SLC13A3: variants seen among roughly 807,000 people sequenced by gnomAD.
SLC13A3 encodes the protein Na(+)/dicarboxylate cotransporter 3.
A neutral mutation model predicts 59.0 loss-of-function variants in SLC13A3; 40 were observed. That is an observed-to-expected ratio of 0.68 (90% CI 0.53 to 0.88). The LOEUF (loss-of-function observed/expected upper bound fraction) is 0.88. SLC13A3 is among the 40% of genes least tolerant of loss of function. SLC13A3 has a pLI of 0.00. For synonymous variants in SLC13A3, 317 were observed against 330.3 expected (o/e 0.96, Z 0.44); for missense variants, 699 against 783.2 (o/e 0.89, Z 1.28).
intron 10 of SLC13A3, chr20:46,566,601 C>A (rs1272743978): frequency 6.1e-6 from 3 of 495,038 alleles, no homozygotes; most frequent in Non-Finnish European, 1.1e-5. Flanking sequence ...TCGAACTGCT[C>A]TCCACTCTAT....
At chr20:46,567,148 C>T (rs547257383) in intron 10 of SLC13A3, among the ~76,000 whole-genome samples, 6 of 152,172 alleles carry the variant, frequency 3.9e-5, no homozygotes, top group Admixed American at 2.0e-4. Context: ...GCCAACCTCA[C>T]GCCACTGCAC....
intron 1 of SLC13A3, among the ~76,000 whole-genome samples, chr20:46,639,436 GC>G (rs1474403266): frequency 6.6e-6 from 1 of 152,098 alleles, no homozygotes; most frequent in African/African-American, 2.4e-5. Flanking sequence ...TCCAGCCTGG[GC>G]AACAGAGTGA....
chr20:46,590,689 A>G (rs946024690), intron 6 of SLC13A3, among the ~76,000 whole-genome samples: 1 of 152,126 alleles, frequency 6.6e-6, no homozygotes, highest in East Asian at 1.9e-4. Flanking sequence ...ACTCTCATAC[A>G]TTGTTCATGG....
chr20:46,660,277 A>C (rs2122910341), intron 1 of SLC13A3, among the ~76,000 whole-genome samples: 1 of 152,242 alleles, frequency 6.6e-6, no homozygotes, highest in East Asian at 1.9e-4. Flanking sequence ...TGGCTTGTTG[A>C]AAGGAAATTC....
intron 5 of SLC13A3, among the ~76,000 whole-genome samples, chr20:46,592,942 T>C (rs2122683434): frequency 6.6e-6 from 1 of 152,364 alleles, no homozygotes; most frequent in South Asian, 2.1e-4. Flanking sequence ...AATTATGTGA[T>C]GTTTAAATGT....
At chr20:46,594,187 T>C (rs1476940329) in intron 5 of SLC13A3, among the ~76,000 whole-genome samples, 2 of 150,852 alleles carry the variant, frequency 1.3e-5, no homozygotes, top group African/African-American at 4.9e-5. Flanking sequence ...AAATCCCACA[T>C]TTGATATTTT....
In SLC13A3 at chr20:46,592,526, G is replaced by A. The variant is rs956581711; in HGVS notation, c.798C>T (p.Phe266=). 6.2e-7 allele frequency: 1 copy of A among 1,613,538 alleles called. No individual in the cohort carries two copies. The highest frequency in any genetic ancestry group is 1.3e-5 in the African/African-American group (1 of 75,034). The change falls in exon 6 of 13, where the codon TTC becomes TTT. Residue 266 remains phenylalanine (F), a synonymous_variant. Coordinates refer to ENST00000279027, the MANE Select transcript of SLC13A3 (RefSeq NM_022829.6). The stretch of plus-strand genomic sequence containing the variant: ...AATTCACCACGTCACACTGCGGAAA[G>A]AAACTGGAGAACAGCGGGAGATGAG... The part of the protein sequence containing the change: ...NLILLGQLKS[F]FPQCDVVNFG...
chr20:46,643,852 G>A (rs2062868820), intron 1 of SLC13A3, among the ~76,000 whole-genome samples: 2 of 152,002 alleles, frequency 1.3e-5, no homozygotes, highest in Non-Finnish European at 2.9e-5. Context: ...GAGACCAGTT[G>A]AGTGGCATGA....
chr20:46,569,468 A>G (rs2062011005), intron 10 of SLC13A3, among the ~76,000 whole-genome samples: 1 of 152,162 alleles, frequency 6.6e-6, no homozygotes, highest in African/African-American at 2.4e-5. Context: ...AATCTTTTCT[A>G]GCTGTCACTT....
In SLC13A3 at chr20:46,666,730, C is replaced by T. The variant is rs185263525; in HGVS notation, c.-31+3313G>A. On this transcript the variant is annotated intron_variant, in intron 1 of 12. Coordinates refer to the SLC13A3 transcript ENST00000290317. Reference sequence around the variant, plus strand: ...TGTTGCCCAGGCTGGTCTCGAACTCCTGGGCTCAAGCGACCCTCCTGCCTC... The same window carrying T: ...TGTTGCCCAGGCTGGTCTCGAACTCTTGGGCTCAAGCGACCCTCCTGCCTC... Among the ~76,000 whole-genome samples, 148 of 152,224 alleles carry T rather than the reference C, an allele frequency of 9.7e-4. 1 individual carries two copies. Among genetic ancestry groups the T allele is most frequent in the African/African-American group, 3.5e-3 (145 of 41,542 alleles).
At chr20:46,606,100 G>A (rs766295736) in intron 3 of SLC13A3, among the ~76,000 whole-genome samples, 2 of 152,190 alleles carry the variant, frequency 1.3e-5, no homozygotes, top group Non-Finnish European at 2.9e-5. Context: ...CTGCACCAGT[G>A]AAGATTCACA....
chr20:46,641,186 A>G (rs566980710), intron 1 of SLC13A3, among the ~76,000 whole-genome samples: 30 of 152,324 alleles, frequency 2.0e-4, no homozygotes, highest in Non-Finnish European at 3.8e-4. Flanking sequence ...ATTCCTGCTC[A>G]AACGTTACGC....
upstream of SLC13A3, among the ~76,000 whole-genome samples, chr20:46,653,204 G>A (rs2062964193): frequency 6.6e-6 from 1 of 152,158 alleles, no homozygotes; most frequent in Non-Finnish European, 1.5e-5. Context: ...TCTGTAGCTT[G>A]TCTTTTCAGC....
upstream of SLC13A3, among the ~76,000 whole-genome samples, chr20:46,655,910 ATAT>A (rs2062984389): frequency 7.0e-6 from 1 of 142,484 alleles, no homozygotes; most frequent in African/African-American, 2.6e-5. Flanking sequence ...ACTGTACAGT[ATAT>A]TATATATACG....
chr20:46,610,161 ACT>A (rs1463791100), intron 3 of SLC13A3, among the ~76,000 whole-genome samples: 2 of 152,202 alleles, frequency 1.3e-5, no homozygotes, highest in African/African-American at 4.8e-5. Flanking sequence ...TAATTATAGT[ACT>A]TACTTCATAG....
At chr20:46,563,583 G>A (rs755549044) in intron 11 of SLC13A3, 32 bp from the exon 12 acceptor site, 7 of 1,608,844 alleles carry the variant, frequency 4.4e-6, no homozygotes, top group Middle Eastern at 1.7e-4. Context: ...GAGACCCGGA[G>A]AGAGACCAAC....
intron 9 of SLC13A3, among the ~76,000 whole-genome samples, chr20:46,582,019 G>A (rs1367040113): frequency 6.6e-6 from 1 of 152,148 alleles, no homozygotes; most frequent in Non-Finnish European, 1.5e-5. Flanking sequence ...CGCACATGGT[G>A]GCTCATACCT....
chr20:46,656,821 C>G (rs986840435), intron 1 of SLC13A3, among the ~76,000 whole-genome samples: 11 of 152,040 alleles, frequency 7.2e-5, no homozygotes, highest in African/African-American at 2.2e-4. Context: ...TCTATTCTCT[C>G]TCTGTTGTTC....
chr20:46,666,066 T>C (rs578092922), intron 1 of SLC13A3, among the ~76,000 whole-genome samples: 1 of 152,358 alleles, frequency 6.6e-6, no homozygotes, highest in East Asian at 1.9e-4. Flanking sequence ...TGGTAGGTCT[T>C]GCTGAAACTC....
Sources: gnomAD v4.1 joint callset for allele counts (sites outside exome capture counted in the v4.1 genomes callset) on GRCh38, gnomAD v4.1.1 for gene constraint, MANE v1.5 for transcripts, NCBI Gene and HGNC (gene_info 2026-07-23, HGNC 2026-07-21) for gene names.